The following CALN1 variants were observed in gnomAD, a reference collection of about 807,000 sequenced individuals.
The protein encoded by CALN1 is calneuron 1.
Under a neutral mutation model 30.6 loss-of-function variants are expected in CALN1, and 17 were observed. That is an observed-to-expected ratio of 0.56 (90% CI 0.38 to 0.83). The LOEUF is 0.83. Among genes scored for constraint, CALN1 ranks in the 40% least tolerant of loss-of-function variants. The probability of loss-of-function intolerance (pLI) is 0.00; values close to 1 mark genes in which losing one functional copy is unlikely to be tolerated. For missense variants in CALN1, 291 were observed against 354.9 expected (o/e 0.82, Z 1.45); for synonymous variants, 156 against 131.4 (o/e 1.19, Z -1.28).
chr7:71,986,416 T>C (rs1025613298), intron 5 of CALN1, among the ~76,000 whole-genome samples: 13 of 152,198 alleles, frequency 8.5e-5, no homozygotes, highest in Admixed American at 7.9e-4. Flanking sequence ...ACCCAGCTCA[T>C]TGCAGTCTTA....
At chr7:72,477,571 C>A in the CALN1 span, among the ~76,000 whole-genome samples, 1 of 152,136 alleles carries the variant, frequency 6.6e-6, no homozygotes, top group Admixed American at 6.6e-5. Flanking sequence ...AAGAGCAACA[C>A]CACATTCAGC....
chr7:72,445,408 A>T (rs1007655751), intron 1 of CALN1, among the ~76,000 whole-genome samples: 3 of 152,080 alleles, frequency 2.0e-5, no homozygotes, highest in African/African-American at 7.2e-5. Context: ...TCTGACCCTC[A>T]CAGACCAGCT....
At chr7:72,404,408 A>G (rs560246754) in intron 1 of CALN1, among the ~76,000 whole-genome samples, 4 of 152,294 alleles carry the variant, frequency 2.6e-5, no homozygotes, top group Admixed American at 2.6e-4. Flanking sequence ...CATTGAAGGT[A>G]AAAACAAACA....
chr7:72,012,844 G>T (rs1456359432), intron 5 of CALN1, among the ~76,000 whole-genome samples: 3 of 152,212 alleles, frequency 2.0e-5, no homozygotes, highest in Admixed American at 2.0e-4. Flanking sequence ...CACCCAGGCT[G>T]GAGTGCAAGG....
At chr7:72,118,354 A>G (rs142862619) in intron 3 of CALN1, among the ~76,000 whole-genome samples, 27 of 152,352 alleles carry the variant, frequency 1.8e-4, no homozygotes, top group Admixed American at 1.8e-3. Flanking sequence ...TACTGAAAGC[A>G]GAGCATTTTG....
chr7:71,886,408 T>G (rs879535971), intron 5 of CALN1, among the ~76,000 whole-genome samples: 1 of 152,222 alleles, frequency 6.6e-6, no homozygotes. Flanking sequence ...CACTCACGTC[T>G]TTCTGTTGAA....
intron 2 of CALN1, among the ~76,000 whole-genome samples, chr7:72,288,455 T>TGAAATACA (rs1798249977): frequency 6.6e-6 from 1 of 152,160 alleles, no homozygotes; most frequent in Non-Finnish European, 1.5e-5. Flanking sequence ...TCATTAGAAC[T>TGAAATACA]GTGTCACTGA....
At chr7:72,314,958 G>GCA (rs1269471782) in intron 2 of CALN1, among the ~76,000 whole-genome samples, 1 of 144,744 alleles carries the variant, frequency 6.9e-6, no homozygotes, top group Non-Finnish European at 1.5e-5. Context: ...ACCAGCCTCA[G>GCA]CACACAGTGA....
chr7:71,902,218 C>T (rs540255938), intron 5 of CALN1, among the ~76,000 whole-genome samples: 76 of 150,546 alleles, frequency 5.0e-4, no homozygotes, highest in Admixed American at 1.6e-3. Context: ...TGCGAGACTC[C>T]GTCTCAAAAC....
At chr7:72,496,111 G>A in the CALN1 span, among the ~76,000 whole-genome samples, 2 of 152,054 alleles carry the variant, frequency 1.3e-5, no homozygotes, top group South Asian at 2.1e-4. Context: ...TATTAGAAAC[G>A]GGTTTTTGCC....
intron 3 of CALN1, among the ~76,000 whole-genome samples, chr7:72,261,382 T>C (rs1353863750): frequency 1.3e-5 from 2 of 151,302 alleles, no homozygotes; most frequent in South Asian, 2.1e-4. Context: ...GGCACACTCC[T>C]GAGGCCAGCA....
Position 71,844,882 on chromosome 7 carries a change from A to AT in CALN1, c.502-34391dup, listed in dbSNP as rs1359826059. 2.0e-5 allele frequency among the ~76,000 whole-genome samples: 3 copies of AT among 151,922 alleles called. No homozygotes were observed. In the East Asian group the frequency reaches 5.8e-4, roughly 29 times the overall value. ...CTCCATCTGAGTTCTTTAATGTCTTATTTTTTTCAATTTTTTACATTTTTT... is the reference window on the plus strand; with the variant it reads ...CTCCATCTGAGTTCTTTAATGTCTTATTTTTTTTCAATTTTTTACATTTTTT... On this transcript the variant is annotated intron_variant, in intron 5 of 6. Coordinates refer to ENST00000395275, the MANE Select transcript of CALN1 (RefSeq NM_031468.4).
At chr7:72,366,227 G>A (rs558677701) in intron 2 of CALN1, among the ~76,000 whole-genome samples, 172 of 151,924 alleles carry the variant, frequency 1.1e-3, no homozygotes, top group Non-Finnish European at 1.5e-4. Context: ...AGGCTGGAGT[G>A]CAGTGGCGCC....
intron 4 of CALN1, among the ~76,000 whole-genome samples, chr7:72,057,474 T>C (rs1057355057): frequency 6.7e-6 from 1 of 149,224 alleles, no homozygotes; most frequent in African/African-American, 2.5e-5. Context: ...GATTTCTGCA[T>C]CATGCTGTTT....
chr7:72,181,333 G>C (rs1585107230), intron 3 of CALN1, among the ~76,000 whole-genome samples: 1 of 150,786 alleles, frequency 6.6e-6, no homozygotes, highest in East Asian at 1.9e-4. Flanking sequence ...TATTTTTAAT[G>C]TGTTGCTACC....
intron 2 of CALN1, among the ~76,000 whole-genome samples, chr7:72,392,758 T>C (rs1206809835): frequency 6.6e-6 from 1 of 151,950 alleles, no homozygotes; most frequent in Non-Finnish European, 1.5e-5. Flanking sequence ...GGAGGATTGC[T>C]GGAGGCCAGA....
At chr7:71,902,743 TAAAG>T (rs1019464350) in intron 5 of CALN1, among the ~76,000 whole-genome samples, 19 of 152,172 alleles carry the variant, frequency 1.2e-4, no homozygotes, top group Non-Finnish European at 2.1e-4. Context: ...GTGCAATTCA[TAAAG>T]AAGTATTGCA....
At chr7:72,391,675 G>A (rs572828219) in intron 2 of CALN1, among the ~76,000 whole-genome samples, 43 of 152,068 alleles carry the variant, frequency 2.8e-4, no homozygotes, top group Non-Finnish European at 4.9e-4. Context: ...AGATCTGATG[G>A]TTTAATAAAT....
chr7:72,408,382 T>C (rs191542427), intron 1 of CALN1, among the ~76,000 whole-genome samples: 1 of 151,444 alleles, frequency 6.6e-6, no homozygotes, highest in Admixed American at 6.6e-5. Flanking sequence ...GAGGTGGAGG[T>C]TGCAGTGAGC....
Sources: allele counts gnomAD v4.1 joint callset (sites outside exome capture counted in the v4.1 genomes callset), GRCh38; gene constraint gnomAD v4.1.1; transcripts MANE v1.5; gene names NCBI Gene and HGNC (gene_info 2026-07-23, HGNC 2026-07-21).